DRC11: variants seen among roughly 807,000 people sequenced by gnomAD.
The protein encoded by DRC11 is IQ and AAA domain-containing protein 1.
the DRC11 span, among the ~76,000 whole-genome samples, chr2:236,344,023 T>A: frequency 6.6e-6 from 1 of 151,698 alleles, no homozygotes; most frequent in Non-Finnish European, 1.5e-5. Flanking sequence ...TATCTGCACA[T>A]TTTTTTTAAC....
the DRC11 span, among the ~76,000 whole-genome samples, chr2:236,485,842 C>A: frequency 1.3e-5 from 2 of 152,164 alleles, no homozygotes; most frequent in African/African-American, 2.4e-5. Flanking sequence ...GAGGAGTCAG[C>A]CTTCCTCAGA....
chr2:236,397,784 G>A, the DRC11 span, among the ~76,000 whole-genome samples: 1 of 152,160 alleles, frequency 6.6e-6, no homozygotes, highest in Non-Finnish European at 1.5e-5. The surrounding 1 kb of genome is among the most constrained non-coding windows in gnomAD (Gnocchi z 5.0). Context: ...AGGACCCACT[G>A]GATGTTGTTA....
At chr2:236,341,181 G>C in the DRC11 span, among the ~76,000 whole-genome samples, 1 of 152,212 alleles carries the variant, frequency 6.6e-6, no homozygotes, top group Non-Finnish European at 1.5e-5. Flanking sequence ...AGAAAGCAGC[G>C]ATTCCTTGGC....
the DRC11 span, chr2:236,465,620 C>T: frequency 1.2e-6 from 2 of 1,613,868 alleles, no homozygotes; most frequent in African/African-American, 1.3e-5. The surrounding 1 kb of genome is among the most constrained non-coding windows in gnomAD (Gnocchi z 6.2). Flanking sequence ...TAGTCCTCTT[C>T]ATGCTTTATC....
chr2:236,417,121 C>T, the DRC11 span, among the ~76,000 whole-genome samples: 82 of 151,040 alleles, frequency 5.4e-4, 1 homozygote, highest in East Asian at 2.9e-3. Flanking sequence ...CTGCCTGCCT[C>T]GGCCTCCCAA....
chr2:236,355,721 ATCTC>A, the DRC11 span, among the ~76,000 whole-genome samples: 4,325 of 147,830 alleles, frequency 0.029, 159 homozygotes, highest in African/African-American at 0.085. Flanking sequence ...CTAATTGTAC[ATCTC>A]TCTCTCTCTC....
the DRC11 span, among the ~76,000 whole-genome samples, chr2:236,407,033 C>T: frequency 6.6e-6 from 1 of 152,218 alleles, no homozygotes; most frequent in Non-Finnish European, 1.5e-5. Context: ...GCATGAGCCA[C>T]CGCGCCCAGC....
chr2:236,309,740 TGAG>T, the DRC11 span, among the ~76,000 whole-genome samples: 9 of 152,190 alleles, frequency 5.9e-5, no homozygotes, highest in African/African-American at 1.9e-4. This position sits in a 1 kb window ranked among gnomAD's most constrained non-coding sequence, Gnocchi z 5.7. Flanking sequence ...AGTCTCCACT[TGAG>T]GGCACTGTGA....
At chr2:236,395,005 C>T in the DRC11 span, among the ~76,000 whole-genome samples, 2 of 152,196 alleles carry the variant, frequency 1.3e-5, no homozygotes, top group Non-Finnish European at 2.9e-5. Flanking sequence ...CTAATGTGGG[C>T]TTACAAACAG....
chr2:236,311,234 C>T, the DRC11 span, among the ~76,000 whole-genome samples: 12 of 152,226 alleles, frequency 7.9e-5, no homozygotes, highest in Non-Finnish European at 1.6e-4. This position sits in a 1 kb window ranked among gnomAD's most constrained non-coding sequence, Gnocchi z 6.9. Context: ...CATATACACT[C>T]GAGCCTGGCC....
the DRC11 span, among the ~76,000 whole-genome samples, chr2:236,440,645 G>A: frequency 6.6e-6 from 1 of 152,172 alleles, no homozygotes; most frequent in Non-Finnish European, 1.5e-5. Context: ...GGAAGAGCAT[G>A]GCACACCCAA....
the DRC11 span, among the ~76,000 whole-genome samples, chr2:236,461,472 A>G: frequency 1.5e-4 from 23 of 152,244 alleles, no homozygotes; most frequent in African/African-American, 4.6e-4. This position sits in a 1 kb window ranked among gnomAD's most constrained non-coding sequence, Gnocchi z 4.0. Flanking sequence ...TCCAGACCCA[A>G]TTATGTAATT....
chr2:236,450,135 A>C, the DRC11 span, among the ~76,000 whole-genome samples: 1 of 152,132 alleles, frequency 6.6e-6, no homozygotes, highest in Non-Finnish European at 1.5e-5. Flanking sequence ...TATAATAAAA[A>C]TAAATATCAT....
the DRC11 span, chr2:236,408,810 C>A: frequency 3.5e-5 from 23 of 664,736 alleles, no homozygotes; most frequent in Non-Finnish European, 5.8e-5. The surrounding 1 kb of genome is among the most constrained non-coding windows in gnomAD (Gnocchi z 5.5). Flanking sequence ...CCACATAGCC[C>A]ACAATGCCCA....
chr2:236,492,180 G>C, the DRC11 span, among the ~76,000 whole-genome samples: 2 of 152,168 alleles, frequency 1.3e-5, no homozygotes, highest in African/African-American at 4.8e-5. Context: ...CCAGTCTGTG[G>C]TATTCTGTTA....
the DRC11 span, among the ~76,000 whole-genome samples, chr2:236,483,543 C>T: frequency 2.0e-5 from 3 of 152,096 alleles, no homozygotes; most frequent in African/African-American, 7.2e-5. This position sits in a 1 kb window ranked among gnomAD's most constrained non-coding sequence, Gnocchi z 4.8. Context: ...TTTACAAACA[C>T]AGATATGGTA....
At chr2:236,330,814 G>A in the DRC11 span, among the ~76,000 whole-genome samples, 2 of 152,162 alleles carry the variant, frequency 1.3e-5, no homozygotes, top group African/African-American at 2.4e-5. This position sits in a 1 kb window ranked among gnomAD's most constrained non-coding sequence, Gnocchi z 5.5. Context: ...TATAAGAGAG[G>A]GTGTTGGGAG....
chr2:236,401,944 G>A, the DRC11 span, among the ~76,000 whole-genome samples: 2 of 152,174 alleles, frequency 1.3e-5, no homozygotes, highest in Admixed American at 6.5e-5. The surrounding 1 kb of genome is among the most constrained non-coding windows in gnomAD (Gnocchi z 4.6). Flanking sequence ...TCTTTAAAGA[G>A]GCACTCTCTA....
chr2:236,468,244 C>T, the DRC11 span, among the ~76,000 whole-genome samples: 1 of 152,072 alleles, frequency 6.6e-6, no homozygotes, highest in African/African-American at 2.4e-5. Context: ...GTGCACACCA[C>T]CACACCTGGG....
Sources: allele counts gnomAD v4.1 joint callset (sites outside exome capture counted in the v4.1 genomes callset), GRCh38; gene constraint gnomAD v4.1.1; non-coding constraint Gnocchi (gnomAD v3.1); transcripts MANE v1.5; gene names NCBI Gene and HGNC (gene_info 2026-07-23, HGNC 2026-07-21).